The following GPSM2 variants were observed in gnomAD, a reference collection of about 807,000 sequenced individuals.
The protein encoded by GPSM2 is G protein signaling modulator 2, also known as G protein-signaling modulator 2.
In GPSM2, 58 loss-of-function variants were observed where a neutral mutation model predicts 78.4. That is an observed-to-expected ratio of 0.74 (90% CI 0.60 to 0.92). GPSM2 has a LOEUF of 0.92. Among genes scored for constraint, GPSM2 ranks in the 40% least tolerant of loss-of-function variants. The pLI, the probability that GPSM2 is intolerant of heterozygous loss-of-function variation, is 0.00. For missense variants in GPSM2, 700 were observed against 815.5 expected, an observed-to-expected ratio of 0.86 and a Z score of 1.73; for synonymous variants, 224 against 280.2, an observed-to-expected ratio of 0.80 and a Z score of 2.00.
rs889751918 is a variant in GPSM2 at position 108,915,799 on chromosome 1, C to T, written c.1263+1391C>T. On this transcript the variant is annotated intron_variant, in intron 11 of 14. Transcript: ENST00000264126. The stretch of plus-strand genomic sequence containing the variant: ...ATGCTTTTATAAAATACCTTCATTA[C>T]AGCAACTTTAGAAAATCTGAACACA... 3.3e-5 allele frequency among the ~76,000 whole-genome samples: 5 copies of T among 152,076 alleles called. 1 individual carries two copies. The highest frequency in any genetic ancestry group is 1.2e-4 in the African/African-American group (5 of 41,422).
Position 108,921,702 on chromosome 1 carries a change from A to G in GPSM2, c.1441-715A>G, listed in dbSNP as rs951823740. 4.6e-5 allele frequency among the ~76,000 whole-genome samples: 7 copies of G among 152,162 alleles called. No individual in the cohort carries two copies. The East Asian group carries it at 1.3e-3, about 29-fold the overall frequency. ...TTGGATTGCATATTAACCAGTATGA[A>G]ACATCTCTCACCTCCAAATGCTTAT... is the stretch of plus-strand genomic sequence containing the variant. On this transcript the variant is annotated intron_variant, in intron 12 of 14. Coordinates refer to ENST00000264126, the MANE Select transcript of GPSM2 (RefSeq NM_013296.5).
chr1:108,929,084 T>C lies in GPSM2; in HGVS notation c.1816-617T>C, dbSNP rs1213193504. Among the ~76,000 whole-genome samples the C allele has an allele frequency of 3.3e-5, 5 of 152,072 alleles. No homozygotes were observed. In the East Asian group the frequency reaches 5.8e-4, roughly 18 times the overall value. ...CAAACTTTTTCTGTAAAAGGCCAGATAGAAAATATTTTAGGCTTTGCCGCC... is the reference window on the plus strand; with the variant it reads ...CAAACTTTTTCTGTAAAAGGCCAGACAGAAAATATTTTAGGCTTTGCCGCC... On this transcript the variant is annotated intron_variant, in intron 14 of 14. Coordinates refer to ENST00000264126, the MANE Select transcript of GPSM2 (RefSeq NM_013296.5).
rs1466179220 is a variant in GPSM2 at position 108,933,417 on chromosome 1, G to A, written c.*3477G>A. 1 of 129,372 alleles carries A rather than the reference G, an allele frequency of 7.7e-6. No individual in the cohort carries two copies. Among genetic ancestry groups the A allele is most frequent in the African/African-American group, 3.0e-5 (1 of 33,502 alleles). 8.0% of individuals were successfully genotyped at this position (129,372 alleles called of 1,614,324 possible). A position where few individuals can be genotyped will look rare whatever the true frequency, so the allele number is the denominator to read the frequency against. On this transcript the variant is annotated 3_prime_UTR_variant, in exon 15 of 15. Transcript: ENST00000264126. ...CTCAACCTTCCAAAGTGCTAGGACTGTAGGCATGAGCCACTGCACCTGGCC... is the reference window on the plus strand; with the variant it reads ...CTCAACCTTCCAAAGTGCTAGGACTATAGGCATGAGCCACTGCACCTGGCC...
At chr1:108,897,195 C>A in intron 3 of GPSM2, 110 bp downstream of exon 3, 1 of 842,220 alleles carries the variant, frequency 1.2e-6, no homozygotes. Context: ...ATGAGTTCTA[C>A]TTCAGTAACA....
Position 108,932,722 on chromosome 1 carries a change from GA to G in GPSM2, c.*2783del, listed in dbSNP as rs1652217324. 1 of 152,160 alleles carries G rather than the reference GA, an allele frequency of 6.6e-6. No individual in the cohort carries two copies. Among genetic ancestry groups the G allele is most frequent in the African/African-American group, 2.4e-5 (1 of 41,440 alleles). 9.4% of individuals were successfully genotyped at this position (152,160 alleles called of 1,614,324 possible). On this transcript the variant is annotated 3_prime_UTR_variant, in exon 15 of 15. Transcript: ENST00000264126. Reference sequence around the variant, plus strand: ...GTGTGAACATGTCTTGTCCCAAGAGGACACTTTATACGCATGGATGTTCACA... The same window carrying G: ...GTGTGAACATGTCTTGTCCCAAGAGGCACTTTATACGCATGGATGTTCACA...
rs1026875534 is a variant in GPSM2, at chr1:108,912,472, A to T, written c.1193-1866A>T. Reference sequence around the variant, plus strand: ...AATAGTGATGATGCAGGAGAGGTGCAGTGGCTCACACCTGTAATCCCAGCA... The same window carrying T: ...AATAGTGATGATGCAGGAGAGGTGCTGTGGCTCACACCTGTAATCCCAGCA... On this transcript the variant is annotated intron_variant, in intron 10 of 14. Transcript: ENST00000264126. 2.0e-5 allele frequency among the ~76,000 whole-genome samples: 3 copies of T among 151,686 alleles called. No homozygotes were observed. In the Admixed American group the frequency reaches 2.0e-4, roughly 10 times the overall value.
chr1:108,918,504 C>T (rs1650449961), intron 11 of GPSM2, 109 bp from the exon 12 acceptor site: 1 of 804,386 alleles, frequency 1.2e-6, no homozygotes. Context: ...CTTCCTCTCT[C>T]CCCCAATAGT....
At chr1:108,902,697 A>G (rs570810526) in intron 8 of GPSM2, among the ~76,000 whole-genome samples, 13 of 152,212 alleles carry the variant, frequency 8.5e-5, no homozygotes, top group Non-Finnish European at 1.6e-4. Flanking sequence ...TTACCTCAGT[A>G]TGAGAGAGAA....
At position 108,931,498 on chromosome 1, in the gene GPSM2, C is replaced by G. The variant is rs1263240089; in HGVS notation, c.*1558C>G. ...AGACTGTGCACAGCTGGGATGGGAT[C>G]TGGGGATGTGGACCCCTATTCTTTC... On this transcript the variant is annotated 3_prime_UTR_variant, in exon 15 of 15. Coordinates refer to ENST00000264126, the MANE Select transcript of GPSM2 (RefSeq NM_013296.5). 1.3e-6 allele frequency: 2 copies of G among 1,548,406 alleles called. No individual in the cohort carries two copies.
chr1:108,917,663 TATAA>T (rs1218239463), intron 11 of GPSM2, among the ~76,000 whole-genome samples: 3 of 78,958 alleles, frequency 3.8e-5, no homozygotes, highest in Non-Finnish European at 7.7e-5. Context: ...TATATATATA[TATAA>T]ATGAGTTCTC....
intron 13 of GPSM2, among the ~76,000 whole-genome samples, chr1:108,923,346 T>A (rs982002203): frequency 4.6e-5 from 7 of 152,014 alleles, no homozygotes; most frequent in Admixed American, 4.6e-4. Context: ...AATATAACTT[T>A]TAAAAATAAA....
intron 13 of GPSM2, among the ~76,000 whole-genome samples, chr1:108,923,155 C>T (rs1188477130): frequency 3.3e-5 from 5 of 152,068 alleles, no homozygotes; most frequent in Admixed American, 2.6e-4. Context: ...ACCTCAGCCT[C>T]CCAAGTAACT....
intron 14 of GPSM2, among the ~76,000 whole-genome samples, chr1:108,928,975 C>T (rs991150871): frequency 4.3e-5 from 6 of 139,066 alleles, no homozygotes; most frequent in African/African-American, 8.2e-5. Flanking sequence ...GATGACAGAG[C>T]GAGAATCCGT....
At chr1:108,878,775 A>G (rs1665751652) in intron 1 of GPSM2, among the ~76,000 whole-genome samples, 1 of 152,228 alleles carries the variant, frequency 6.6e-6, no homozygotes, top group Non-Finnish European at 1.5e-5. Context: ...GTTATGTATC[A>G]GAGCCAGGTG....
At chr1:108,898,130 G>A in intron 5 of GPSM2, 29 bp downstream of exon 5, 1 of 1,605,682 alleles carries the variant, frequency 6.2e-7, no homozygotes, top group Non-Finnish European at 8.5e-7. Context: ...GGGCAGTCAT[G>A]TAGGCCCATC....
chr1:108,888,011 A>G (rs528330268), intron 2 of GPSM2, among the ~76,000 whole-genome samples: 2 of 152,304 alleles, frequency 1.3e-5, no homozygotes, highest in Admixed American at 1.3e-4. Context: ...AAACTTAAAT[A>G]TTATCATCAT....
intron 10 of GPSM2, among the ~76,000 whole-genome samples, chr1:108,912,035 T>C (rs372432135): frequency 1.3e-4 from 20 of 151,958 alleles, no homozygotes; most frequent in African/African-American, 4.6e-4. Context: ...CTCGAACTTA[T>C]GAGTTCAAGG....
At chr1:108,918,910 CAT>C (rs1650482003) in intron 12 of GPSM2, 121 bp downstream of exon 12, 1 of 696,676 alleles carries the variant, frequency 1.4e-6, no homozygotes, top group African/African-American at 1.8e-5. Flanking sequence ...TCTTTGTATT[CAT>C]ATTTCCCTAT....
intron 11 of GPSM2, among the ~76,000 whole-genome samples, chr1:108,916,136 G>A (rs1047764102): frequency 6.6e-6 from 1 of 151,324 alleles, no homozygotes; most frequent in Non-Finnish European, 1.5e-5. Flanking sequence ...TGCCATGCCT[G>A]TAGTCCCAGC....
Sources: gnomAD v4.1 joint callset for allele counts (sites outside exome capture counted in the v4.1 genomes callset) on GRCh38, gnomAD v4.1.1 for gene constraint, MANE v1.5 for transcripts, NCBI Gene and HGNC (gene_info 2026-07-23, HGNC 2026-07-21) for gene names.